The following FMN2 variants were observed in gnomAD, a reference collection of about 807,000 sequenced individuals.
FMN2 encodes the protein formin 2, also known as formin-2.
FMN2 carries 51 observed loss-of-function variants against 142.3 expected under a neutral mutation model. The ratio of observed to expected loss-of-function variants is 0.36; its 90% CI spans 0.29 to 0.45. FMN2 has a LOEUF of 0.45. FMN2 is among the 20% of genes least tolerant of loss of function. The pLI, the probability that FMN2 is intolerant of heterozygous loss-of-function variation, is 1.00. For missense variants in FMN2, 1,936 were observed against 2,122.8 expected, an observed-to-expected ratio of 0.91 and a Z score of 1.73; for synonymous variants, 882 against 869.8, an observed-to-expected ratio of 1.01 and a Z score of -0.25.
In FMN2 at chr1:240,474,238, T is replaced by C; in HGVS notation, c.*84T>C. The C allele has an allele frequency of 8.3e-7, 1 of 1,210,456 alleles. No homozygotes were observed. The highest frequency in any genetic ancestry group is 1.1e-6 in the Non-Finnish European group (1 of 876,270). The allele number at this position is 1,210,456 out of a possible 1,614,324, so 75.0% of individuals were successfully genotyped here. A position where few individuals can be genotyped will look rare whatever the true frequency, so the allele number is the denominator to read the frequency against. ...CCTGAGAGTGGGAGGGAAACTACCG[T>C]CATTCTGCTCATGTTTCTTCTTGAC... On this transcript the variant is annotated 3_prime_UTR_variant, in exon 18 of 18. Coordinates refer to ENST00000319653, the MANE Select transcript of FMN2 (RefSeq NM_020066.5).
chr1:240,215,911 G>A (rs1468147509), intron 6 of FMN2, among the ~76,000 whole-genome samples: 1 of 152,028 alleles, frequency 6.6e-6, no homozygotes, highest in Non-Finnish European at 1.5e-5. Flanking sequence ...GTTTCGCCAT[G>A]TTGATCAGGC....
At chr1:240,371,246 C>A (rs1359186677) in intron 14 of FMN2, among the ~76,000 whole-genome samples, 1 of 152,128 alleles carries the variant, frequency 6.6e-6, no homozygotes, top group African/African-American at 2.4e-5. Flanking sequence ...AGTCATGAGC[C>A]ACTGCGCCTG....
intron 3 of FMN2, among the ~76,000 whole-genome samples, chr1:240,184,097 A>T (rs1419696112): frequency 6.6e-6 from 1 of 151,942 alleles, no homozygotes; most frequent in Non-Finnish European, 1.5e-5. Flanking sequence ...TCATCCAAGT[A>T]TGTTTTGTTT....
At chr1:240,110,523 G>A (rs1661770841) in intron 1 of FMN2, among the ~76,000 whole-genome samples, 1 of 152,158 alleles carries the variant, frequency 6.6e-6, no homozygotes. Flanking sequence ...TTGTTCTGAT[G>A]GTGAATAAAA....
intron 7 of FMN2, among the ~76,000 whole-genome samples, chr1:240,262,184 A>G (rs2102904342): frequency 6.6e-6 from 1 of 151,638 alleles, no homozygotes; most frequent in East Asian, 2.0e-4. Context: ...CTCTATGATG[A>G]GTGGGTTCTG....
At chr1:240,214,605 T>C (rs1203519146) in intron 6 of FMN2, among the ~76,000 whole-genome samples, 1 of 151,906 alleles carries the variant, frequency 6.6e-6, no homozygotes, top group Non-Finnish European at 1.5e-5. Flanking sequence ...ATGATGTTCA[T>C]GCTTTAGCAT....
intron 15 of FMN2, among the ~76,000 whole-genome samples, chr1:240,413,327 G>T (rs1441037405): frequency 6.6e-6 from 1 of 151,462 alleles, no homozygotes; most frequent in Non-Finnish European, 1.5e-5. Flanking sequence ...AGTTGGGCTT[G>T]GGAAGGAGTT....
At position 240,092,161 on chromosome 1, in the gene FMN2, G is replaced by A; in HGVS notation, c.52G>A (p.Glu18Lys). Residue 18 changes from glutamate (E) to lysine (K), a missense_variant, in exon 1 of 18, where the codon GAA becomes AAA. Glu to Lys is a moderately conservative substitution (Grantham distance 56, BLOSUM62 1). This residue lies in a region of FMN2 where 751 missense variants were observed against 791.8 expected (regional missense o/e 0.95). Coordinates refer to ENST00000319653, the MANE Select transcript of FMN2 (RefSeq NM_020066.5). Reference protein sequence around the residue: ...LKRSAGDALHEGGGGAEDALG... With the variant: ...LKRSAGDALHKGGGGAEDALG... ...GAGGAGCGCAGGTGATGCTTTGCAC[G>A]AAGGCGGCGGTGGCGCCGAGGATGC... 10 of 1,574,190 alleles carry A rather than the reference G, an allele frequency of 6.4e-6. No individual in the cohort carries two copies. Among genetic ancestry groups the A allele is most frequent in the Non-Finnish European group, 7.8e-6 (9 of 1,160,344 alleles).
intron 6 of FMN2, among the ~76,000 whole-genome samples, chr1:240,218,321 T>C (rs1432080750): frequency 7.1e-6 from 1 of 140,470 alleles, no homozygotes; most frequent in Non-Finnish European, 1.5e-5. Flanking sequence ...TCTGTTGGAC[T>C]AAATGTACAA....
At chr1:240,157,845 C>T (rs1405128903) in intron 2 of FMN2, among the ~76,000 whole-genome samples, 1 of 151,594 alleles carries the variant, frequency 6.6e-6, no homozygotes, top group Non-Finnish European at 1.5e-5. Context: ...AAATATATAT[C>T]ACTGAAAAGG....
At chr1:240,272,738 T>G (rs1182287041) in intron 7 of FMN2, among the ~76,000 whole-genome samples, 1 of 152,192 alleles carries the variant, frequency 6.6e-6, no homozygotes, top group Admixed American at 6.6e-5. Context: ...AGCTAAAACA[T>G]CAAAGTCATG....
At chr1:240,143,915 G>T in intron 2 of FMN2, 1 of 1,533,298 alleles carries the variant, frequency 6.5e-7, no homozygotes, top group Non-Finnish European at 9.0e-7. Context: ...GCCAGCGTAG[G>T]CCAAGCCTAG....
intron 16 of FMN2, 126 bp from the exon 17 acceptor site, chr1:240,472,246 G>C: frequency 1.5e-6 from 1 of 680,470 alleles, no homozygotes. Flanking sequence ...ACATTCTTCT[G>C]TGTATTGTAT....
At chr1:240,144,434 T>A in intron 2 of FMN2, 2 of 1,599,414 alleles carry the variant, frequency 1.3e-6, no homozygotes, top group Non-Finnish European at 1.7e-6. Flanking sequence ...TGTCAGGTGC[T>A]CATACTCCTT....
chr1:240,416,910 A>T (rs1056861638), intron 15 of FMN2, among the ~76,000 whole-genome samples: 1 of 151,938 alleles, frequency 6.6e-6, no homozygotes, highest in Admixed American at 6.6e-5. Context: ...TTAAAATCAT[A>T]TACTCAGAGC....
At chr1:240,389,258 T>C (rs1673523928) in intron 14 of FMN2, among the ~76,000 whole-genome samples, 1 of 152,232 alleles carries the variant, frequency 6.6e-6, no homozygotes, top group Admixed American at 6.5e-5. Flanking sequence ...AAACCATTTA[T>C]GCCATTAGAG....
At chr1:240,267,415 A>G (rs1313444912) in intron 7 of FMN2, among the ~76,000 whole-genome samples, 11 of 152,094 alleles carry the variant, frequency 7.2e-5, no homozygotes, top group African/African-American at 2.7e-4. Flanking sequence ...GTTCTCACTT[A>G]AAAGTGGGAG....
chr1:240,148,611 A>G (rs1345772594), intron 2 of FMN2, among the ~76,000 whole-genome samples: 3 of 152,192 alleles, frequency 2.0e-5, no homozygotes, highest in Admixed American at 6.5e-5. Flanking sequence ...AACTTTCTCT[A>G]TTTAATTTTC....
chr1:240,453,581 T>A (rs1676130062), intron 16 of FMN2, among the ~76,000 whole-genome samples: 1 of 151,996 alleles, frequency 6.6e-6, no homozygotes, highest in Non-Finnish European at 1.5e-5. Context: ...TTTCTCTCCA[T>A]GAATAAAACA....
Sources: gnomAD v4.1 joint callset for allele counts (sites outside exome capture counted in the v4.1 genomes callset) on GRCh38, gnomAD v4.1.1 for gene constraint, gnomAD v4.1.1 regional missense constraint, MANE v1.5 for transcripts, NCBI Gene and HGNC (gene_info 2026-07-23, HGNC 2026-07-21) for gene names.